BANK1: variants seen among roughly 807,000 people sequenced by gnomAD.
BANK1 encodes B-cell scaffold protein with ankyrin repeats.
Under a neutral mutation model 94.5 loss-of-function variants are expected in BANK1, and 95 were observed. That is an observed-to-expected ratio of 1.00 (90% CI 0.85 to 1.19). The LOEUF (loss-of-function observed/expected upper bound fraction) is 1.19, where lower values mean the gene tolerates loss of function less well. Among genes scored for constraint, BANK1 ranks in the 50% most tolerant of loss-of-function variants. The pLI is 0.00. For synonymous variants in BANK1, 334 were observed against 308.4 expected (o/e 1.08, Z -0.87); for missense variants, 987 against 932.2 (o/e 1.06, Z -0.77).
chr4:101,824,947 A>T (rs1409810288), intron 1 of BANK1, among the ~76,000 whole-genome samples: 1 of 152,188 alleles, frequency 6.6e-6, no homozygotes, highest in African/African-American at 2.4e-5. Context: ...TAAATTATTG[A>T]TAAATATTTC....
At position 101,844,022 on chromosome 4, in the gene BANK1, C is replaced by T. The variant is rs28513825; in HGVS notation, c.470-11013C>T. Among the ~76,000 whole-genome samples the T allele has an allele frequency of 5.9e-3, 895 of 152,278 alleles. 10 individuals are homozygous for T. The highest frequency in any genetic ancestry group is 0.02 in the African/African-American group (826 of 41,556). On this transcript the variant is annotated intron_variant, in intron 2 of 16. Coordinates refer to ENST00000322953, the MANE Select transcript of BANK1 (RefSeq NM_017935.5). ...TTCCCCTTTGGCTTGGCTGCTTATC[C>T]ACTAAATAATGGTTTTAGCTAAATC...
At chr4:101,828,383 TTATATATATA>T (rs60877981) in intron 1 of BANK1, among the ~76,000 whole-genome samples, 4 of 142,178 alleles carry the variant, frequency 2.8e-5, no homozygotes, top group South Asian at 2.3e-4. Flanking sequence ...ATGAGTGAAT[TTATATATATA>T]TATATATATA....
intron 5 of BANK1, among the ~76,000 whole-genome samples, chr4:101,881,783 G>A (rs1010543698): frequency 2.0e-5 from 3 of 152,138 alleles, no homozygotes; most frequent in Admixed American, 6.5e-5. Flanking sequence ...GATAGAACTG[G>A]AGGACGGTAT....
At chr4:101,847,881 T>G (rs753233148) in intron 2 of BANK1, among the ~76,000 whole-genome samples, 18 of 152,114 alleles carry the variant, frequency 1.2e-4, no homozygotes, top group Non-Finnish European at 2.1e-4. Context: ...GCCAGGAAGC[T>G]TCTTGCCCCG....
chr4:101,830,261 A>G, intron 2 of BANK1, 55 bp downstream of exon 2: 2 of 1,356,512 alleles, frequency 1.5e-6, no homozygotes, highest in Non-Finnish European at 1.9e-6. Flanking sequence ...TTTTTTTGTA[A>G]TTAAAGAATT....
At chr4:101,942,708 G>T (rs1723795575) in intron 7 of BANK1, among the ~76,000 whole-genome samples, 1 of 151,782 alleles carries the variant, frequency 6.6e-6, no homozygotes, top group Admixed American at 6.6e-5. Flanking sequence ...CTAATTCCAT[G>T]CACAGAAAGG....
chr4:101,858,342 C>T (rs185558247), intron 3 of BANK1, among the ~76,000 whole-genome samples: 1 of 152,172 alleles, frequency 6.6e-6, no homozygotes, highest in South Asian at 2.1e-4. Flanking sequence ...AACAGTGACA[C>T]ATTTGGTCCA....
chr4:101,994,524 G>T (rs1225083036), intron 7 of BANK1, among the ~76,000 whole-genome samples: 3 of 151,960 alleles, frequency 2.0e-5, no homozygotes, highest in African/African-American at 7.3e-5. Context: ...AAATATAATT[G>T]CATCATGTCA....
intron 2 of BANK1, among the ~76,000 whole-genome samples, chr4:101,848,816 T>C (rs1727352798): frequency 2.0e-5 from 3 of 152,222 alleles, no homozygotes; most frequent in Admixed American, 6.5e-5. Context: ...GTCTCTAACT[T>C]TTAGGCATTA....
chr4:101,882,668 C>G (rs1185032744), intron 5 of BANK1, among the ~76,000 whole-genome samples: 2 of 152,128 alleles, frequency 1.3e-5, no homozygotes, highest in African/African-American at 4.8e-5. Flanking sequence ...GCTCTGTTTC[C>G]TTAGGGCTAA....
intron 6 of BANK1, among the ~76,000 whole-genome samples, chr4:101,914,566 T>C (rs2148898852): frequency 6.6e-6 from 1 of 152,304 alleles, no homozygotes; most frequent in African/African-American, 2.4e-5. Flanking sequence ...AATAAGTCAA[T>C]GCTGAACCTT....
At chr4:101,901,418 T>G (rs1252652378) in intron 6 of BANK1, among the ~76,000 whole-genome samples, 2 of 152,198 alleles carry the variant, frequency 1.3e-5, no homozygotes, top group African/African-American at 4.8e-5. Flanking sequence ...TGACTGCTTT[T>G]TTGCTCATTT....
At chr4:101,890,667 T>A (rs1462270668) in intron 5 of BANK1, among the ~76,000 whole-genome samples, 2 of 149,648 alleles carry the variant, frequency 1.3e-5, no homozygotes, top group African/African-American at 4.9e-5. Flanking sequence ...TTAAATCATA[T>A]TTTTAAATCC....
chr4:101,880,843 A>G (rs989608763), intron 5 of BANK1, among the ~76,000 whole-genome samples: 1 of 152,108 alleles, frequency 6.6e-6, no homozygotes, highest in Non-Finnish European at 1.5e-5. Context: ...TGTTGAATGA[A>G]TAGTGCTGGG....
intron 7 of BANK1, among the ~76,000 whole-genome samples, chr4:101,998,100 C>T (rs965042614): frequency 6.6e-6 from 1 of 152,012 alleles, no homozygotes; most frequent in Non-Finnish European, 1.5e-5. Flanking sequence ...GTTTCCCAGA[C>T]ATTTTGGTAC....
At chr4:101,930,885 C>T (rs914144393) in intron 7 of BANK1, among the ~76,000 whole-genome samples, 2 of 151,548 alleles carry the variant, frequency 1.3e-5, no homozygotes, top group Admixed American at 6.6e-5. Flanking sequence ...GCAAATCTGA[C>T]AGACCATCTT....
intron 7 of BANK1, among the ~76,000 whole-genome samples, chr4:101,949,143 T>C (rs2148913620): frequency 6.6e-6 from 1 of 152,094 alleles, no homozygotes; most frequent in Middle Eastern, 3.4e-3. Context: ...AAGATGACCC[T>C]AGGATGACGT....
At chr4:102,058,709 A>G (rs1179860904) in intron 11 of BANK1, among the ~76,000 whole-genome samples, 1 of 151,886 alleles carries the variant, frequency 6.6e-6, no homozygotes, top group African/African-American at 2.4e-5. Flanking sequence ...TCTTAAAAAA[A>G]AAAAAGGTAA....
chr4:101,859,502 A>G (rs1214362635), intron 3 of BANK1, among the ~76,000 whole-genome samples: 1 of 152,222 alleles, frequency 6.6e-6, no homozygotes, highest in African/African-American at 2.4e-5. Flanking sequence ...GTTTCCCTGA[A>G]TGCTCTGACC....
Sources: gnomAD v4.1 joint callset for allele counts (sites outside exome capture counted in the v4.1 genomes callset) on GRCh38, gnomAD v4.1.1 for gene constraint, MANE v1.5 for transcripts, NCBI Gene and HGNC (gene_info 2026-07-23, HGNC 2026-07-21) for gene names.